MAN1A2: variants seen among roughly 807,000 people sequenced by gnomAD.
The protein encoded by MAN1A2 is mannosyl-oligosaccharide 1,2-alpha-mannosidase IB.
MAN1A2 carries 26 observed loss-of-function variants against 75.7 expected under a neutral mutation model. The ratio of observed to expected loss-of-function variants is 0.34; its 90% CI spans 0.25 to 0.48. The LOEUF is 0.48. MAN1A2 is among the 20% of genes least tolerant of loss of function. MAN1A2 has a pLI of 0.99. For synonymous variants in MAN1A2, 247 were observed against 264.6 expected, an observed-to-expected ratio of 0.93 and a Z score of 0.65; for missense variants, 562 against 775.5, an observed-to-expected ratio of 0.72 and a Z score of 3.27.
intron 12 of MAN1A2, among the ~76,000 whole-genome samples, chr1:117,513,499 CATGT>C (rs1424897535): frequency 6.6e-6 from 1 of 151,910 alleles, no homozygotes; most frequent in Non-Finnish European, 1.5e-5. Context: ...GTCCGTTAAT[CATGT>C]GTTTTTGAAA....
At chr1:117,464,197 C>T (rs901287156) in intron 7 of MAN1A2, among the ~76,000 whole-genome samples, 1 of 151,580 alleles carries the variant, frequency 6.6e-6, no homozygotes, top group Non-Finnish European at 1.5e-5. Context: ...GAAACCACTT[C>T]TCTACCAAAA....
At chr1:117,415,565 G>A (rs1019150832) in intron 4 of MAN1A2, among the ~76,000 whole-genome samples, 2 of 152,114 alleles carry the variant, frequency 1.3e-5, no homozygotes, top group Non-Finnish European at 2.9e-5. Context: ...GAATTTGGAC[G>A]TATCTCAAAG....
chr1:117,397,645 C>CTTTT (rs34594031), intron 1 of MAN1A2, among the ~76,000 whole-genome samples: 23 of 105,880 alleles, frequency 2.2e-4, no homozygotes, highest in Non-Finnish European at 3.3e-4. Flanking sequence ...TTATAACCCC[C>CTTTT]TTTTTTTTTT....
chr1:117,382,275 G>T (rs1653370825), intron 1 of MAN1A2, among the ~76,000 whole-genome samples: 1 of 152,022 alleles, frequency 6.6e-6, no homozygotes, highest in African/African-American at 2.4e-5. Context: ...TGTCCTGAAT[G>T]TAATGCCTAG....
rs200347718 is a variant in MAN1A2 at position 117,499,419 on chromosome 1, T to G, written c.1542T>G (p.Gly514=). 6.2e-7 allele frequency: 1 copy of G among 1,602,750 alleles called. No individual in the cohort carries two copies. The highest frequency in any genetic ancestry group is 8.5e-7 in the Non-Finnish European group (1 of 1,174,914). ...KLGPESFKFD[G]AVEAVAVRQA... ...GTCCTGAATCATTCAAGTTTGATGG[T>G]GCAGTGGAGGCTGTGGCTGTCCGGC... Residue 514 remains glycine (G), a synonymous_variant, in exon 11 of 13, where the codon GGT becomes GGG. Transcript: ENST00000356554.
chr1:117,391,867 T>G (rs1570705383), intron 1 of MAN1A2, among the ~76,000 whole-genome samples: 1 of 152,224 alleles, frequency 6.6e-6, no homozygotes, highest in South Asian at 2.1e-4. Flanking sequence ...CAGTCAGTAT[T>G]GTGAAAAATC....
At chr1:117,428,956 G>C (rs1203265763) in intron 5 of MAN1A2, among the ~76,000 whole-genome samples, 1 of 141,680 alleles carries the variant, frequency 7.1e-6, no homozygotes, top group East Asian at 2.0e-4. Flanking sequence ...GCGGCCTTCC[G>C]CAGTGTTTGT....
intron 6 of MAN1A2, among the ~76,000 whole-genome samples, chr1:117,454,463 A>T (rs1359503760): frequency 1.3e-5 from 2 of 152,198 alleles, no homozygotes; most frequent in Non-Finnish European, 2.9e-5. Flanking sequence ...AAACAATCGA[A>T]TCCATCTTGA....
At chr1:117,413,088 G>A (rs1282337285) in intron 3 of MAN1A2, among the ~76,000 whole-genome samples, 6 of 151,894 alleles carry the variant, frequency 4.0e-5, no homozygotes, top group African/African-American at 1.4e-4. Flanking sequence ...GCAAGAGATA[G>A]AGATATATGA....
intron 5 of MAN1A2, among the ~76,000 whole-genome samples, chr1:117,424,718 A>G (rs998588354): frequency 6.6e-6 from 1 of 152,112 alleles, no homozygotes; most frequent in Admixed American, 6.5e-5. Flanking sequence ...TCAGCCTTAC[A>G]TACAAACAGT....
At chr1:117,409,473 T>G (rs912950278) in intron 3 of MAN1A2, among the ~76,000 whole-genome samples, 2 of 152,132 alleles carry the variant, frequency 1.3e-5, no homozygotes, top group African/African-American at 4.8e-5. Context: ...TTGGTTTGCT[T>G]TTAGACACAG....
rs755270478 is a variant in MAN1A2 at position 117,442,255 on chromosome 1, T to C, written c.880T>C (p.Leu294=). 4 of 1,609,844 alleles carry C rather than the reference T, an allele frequency of 2.5e-6. No individual in the cohort carries two copies. The East Asian group carries it at 8.9e-5, about 36-fold the overall frequency. Residue 294 remains leucine (L), a synonymous_variant, in exon 6 of 13, where the codon TTG becomes CTG. Coordinates refer to ENST00000356554, the MANE Select transcript of MAN1A2 (RefSeq NM_006699.5). The part of the protein sequence containing the change: ...EEIFKIKAVQ[L]AEKLLPAFNT... ...GATATTCAAGATTAAAGCAGTGCAA[T>C]TGGCTGAGAAACTCCTTCCTGCCTT...
intron 5 of MAN1A2, among the ~76,000 whole-genome samples, chr1:117,440,545 T>C (rs1437163643): frequency 6.6e-6 from 1 of 152,140 alleles, no homozygotes; most frequent in African/African-American, 2.4e-5. Context: ...TAAATTAAGA[T>C]TTATATACTA....
intron 5 of MAN1A2, among the ~76,000 whole-genome samples, chr1:117,430,296 C>T (rs1278627387): frequency 1.5e-5 from 2 of 133,288 alleles, no homozygotes; most frequent in African/African-American, 5.9e-5. Flanking sequence ...GGCGGCTGGT[C>T]GGGCGGGGGG....
At chr1:117,420,757 G>A in intron 5 of MAN1A2, 108 bp downstream of exon 5, 1 of 808,640 alleles carries the variant, frequency 1.2e-6, no homozygotes, top group Non-Finnish European at 2.1e-6. Flanking sequence ...TGGTAATATT[G>A]AACCAGTCTA....
At chr1:117,386,136 T>G (rs1245270807) in intron 1 of MAN1A2, among the ~76,000 whole-genome samples, 3 of 152,212 alleles carry the variant, frequency 2.0e-5, no homozygotes, top group Non-Finnish European at 2.9e-5. Flanking sequence ...TACTAATTAA[T>G]TCCTGAATGT....
At chr1:117,403,552 C>G (rs61809004) in intron 2 of MAN1A2, among the ~76,000 whole-genome samples, 18,279 of 152,152 alleles carry the variant, frequency 0.12, 1,163 homozygotes, top group Non-Finnish European at 0.14. Flanking sequence ...AGATGATCCT[C>G]AGGTTCAGTG....
Position 117,368,197 on chromosome 1 carries a change from C to G in MAN1A2, c.14C>G (p.Ala5Gly), listed in dbSNP as rs748410905. The change falls in exon 1 of 13, where the codon GCC becomes GGC. Residue 5 changes from alanine to glycine, a missense_variant. Physicochemically the swap from Ala to Gly is moderately conservative, Grantham distance 60. Transcript: ENST00000356554. Reference protein sequence around the residue: MTTPALLPLSGRRIP... With the variant: MTTPGLLPLSGRRIP... ...AGAGCGTAAACGATGACTACCCCAGCCCTGCTGCCCCTCTCTGGACGTAGG... is the reference window on the plus strand; with the variant it reads ...AGAGCGTAAACGATGACTACCCCAGGCCTGCTGCCCCTCTCTGGACGTAGG... 2 of 1,612,320 alleles carry G rather than the reference C, an allele frequency of 1.2e-6. No homozygotes were observed. The highest frequency in any genetic ancestry group is 4.5e-5 in the East Asian group (2 of 44,868).
At chr1:117,470,926 A>G (rs946519) in intron 8 of MAN1A2, among the ~76,000 whole-genome samples, 119,837 of 151,946 alleles carry the variant, frequency 0.79, 47,771 homozygotes, top group African/African-American at 0.9. Context: ...CAATCACAGA[A>G]GATAATTACT....
Sources: gnomAD v4.1 joint callset for allele counts (sites outside exome capture counted in the v4.1 genomes callset) on GRCh38, gnomAD v4.1.1 for gene constraint, MANE v1.5 for transcripts, NCBI Gene and HGNC (gene_info 2026-07-23, HGNC 2026-07-21) for gene names.